Variants in CD84 observed in about 807,000 individuals in gnomAD.
CD84 encodes CD84 molecule, also known as SLAM family member 5.
CD84 carries 22 observed loss-of-function variants against 33.8 expected under a neutral mutation model. The observed-to-expected ratio is 0.65, with a 90% CI of 0.46 to 0.93. CD84 has a LOEUF of 0.93. CD84 is among the 40% of genes least tolerant of loss of function. The pLI, the probability that CD84 is intolerant of heterozygous loss-of-function variation, is 0.00. For synonymous variants in CD84, 154 were observed against 145.2 expected (o/e 1.06, Z -0.44); for missense variants, 400 against 397.6 (o/e 1.01, Z -0.05).
intron 5 of CD84, chr1:160,550,579 C>T (rs944742026): frequency 3.0e-5 from 29 of 975,938 alleles, no homozygotes; most frequent in Non-Finnish European, 3.4e-5. Context: ...GCAACCTGTT[C>T]ACCACGTTGG....
Position 160,547,906 on chromosome 1 carries a change from T to C in CD84, c.*350A>G, listed in dbSNP as rs1351805741. 7 of 305,448 alleles carry C rather than the reference T, an allele frequency of 2.3e-5. No homozygotes were observed. Among genetic ancestry groups the C allele is most frequent in the Admixed American group, 4.4e-5 (1 of 22,646 alleles). 18.9% of individuals were successfully genotyped at this position (305,448 alleles called of 1,614,324 possible). ...GTTACCTCCAGTCACAAGAGGCCTCTAGTCATATGCAGCTTCCAGAAGTGA... is the reference window on the plus strand; with the variant it reads ...GTTACCTCCAGTCACAAGAGGCCTCCAGTCATATGCAGCTTCCAGAAGTGA... On this transcript the variant is annotated 3_prime_UTR_variant, in exon 7 of 7. Transcript: ENST00000368054.
intron 1 of CD84, among the ~76,000 whole-genome samples, chr1:160,573,055 G>A (rs186843017): frequency 6.6e-6 from 1 of 152,230 alleles, no homozygotes; most frequent in Non-Finnish European, 1.5e-5. Context: ...GGATATGGAT[G>A]GATTTTACAA....
chr1:160,542,026 G>A lies in CD84; in HGVS notation c.*6230C>T. 1 of 152,236 alleles carries A rather than the reference G, an allele frequency of 6.6e-6. No homozygotes were observed. Among genetic ancestry groups the A allele is most frequent in the East Asian group, 1.9e-4 (1 of 5,200 alleles). 9.4% of individuals were successfully genotyped at this position (152,236 alleles called of 1,614,324 possible). ...ATGTAGAGGGGATCTGGGGTGACAG[G>A]GAGAATGAAGGAGCCAAGGATGAAA... On this transcript the variant is annotated 3_prime_UTR_variant, in exon 7 of 7. Transcript: ENST00000368054.
rs200975824 is a variant in CD84 at position 160,554,071 on chromosome 1, C to T, written c.464G>A (p.Cys155Tyr). ...VNSTCNVTLT[C>Y]SVEKEEKNVT... ...ATTCTTTTCTTCTTTCTCTACAGAG[C>T]ATGTCAGTGTGACATTACAGGTGCT... is the stretch of plus-strand genomic sequence containing the variant. Residue 155 changes from cysteine (C) to tyrosine (Y), a missense_variant, in exon 3 of 7, where the codon TGC becomes TAC. Physicochemically the swap from Cys to Tyr is radical, Grantham distance 194. Coordinates refer to ENST00000368054, the MANE Select transcript of CD84 (RefSeq NM_003874.4). The T allele has an allele frequency of 5.0e-6, 8 of 1,614,166 alleles. No individual in the cohort carries two copies. The highest frequency in any genetic ancestry group is 5.9e-6 in the Non-Finnish European group (7 of 1,180,028).
intron 1 of CD84, among the ~76,000 whole-genome samples, chr1:160,575,265 A>T (rs1336062218): frequency 6.6e-6 from 1 of 152,142 alleles, no homozygotes; most frequent in East Asian, 1.9e-4. Context: ...AAGAGAGTCC[A>T]TTATAACTGC....
rs1479739363 is a variant in CD84 at position 160,550,747 on chromosome 1, A to G, written c.858+191T>C. On this transcript the variant is annotated intron_variant, in intron 5 of 6. Coordinates refer to ENST00000368054, the MANE Select transcript of CD84 (RefSeq NM_003874.4). ...CCATGGAGGCTGCCATGGGGTGACA[A>G]TGGGTCACGTTCCTGTCCTCATAGA... The G allele has an allele frequency of 7.1e-6, 7 of 985,154 alleles. No homozygotes were observed. The African/African-American group carries it at 1.0e-4, about 15-fold the overall frequency. 61.0% of individuals were successfully genotyped at this position (985,154 alleles called of 1,614,324 possible).
intron 4 of CD84, among the ~76,000 whole-genome samples, chr1:160,551,717 G>A (rs891492899): frequency 6.6e-6 from 1 of 152,050 alleles, no homozygotes; most frequent in African/African-American, 2.4e-5. Context: ...CAAATTTTTT[G>A]TATTTTTGGT....
chr1:160,558,625 G>T (rs943376036), intron 2 of CD84, among the ~76,000 whole-genome samples: 1 of 152,198 alleles, frequency 6.6e-6, no homozygotes, highest in Non-Finnish European at 1.5e-5. Flanking sequence ...CAAAGAACTG[G>T]GCTGAGGCTG....
At chr1:160,567,848 G>C (rs377445899) in intron 1 of CD84, among the ~76,000 whole-genome samples, 1 of 152,096 alleles carries the variant, frequency 6.6e-6, no homozygotes, top group Non-Finnish European at 1.5e-5. Context: ...GTGTCCCAGC[G>C]TGAATCCCTG....
chr1:160,570,873 C>CAATA (rs1038235970), intron 1 of CD84: 1 of 152,072 alleles, frequency 6.6e-6, no homozygotes, highest in Non-Finnish European at 1.5e-5. Context: ...AGAAGAAAAC[C>CAATA]AATAAATAAA....
Position 160,548,169 on chromosome 1 carries a change from G to T in CD84, c.*87C>A. The T allele has an allele frequency of 7.2e-7, 1 of 1,386,972 alleles. No individual in the cohort carries two copies. Among genetic ancestry groups the T allele is most frequent in the Non-Finnish European group, 1.0e-6 (1 of 978,278 alleles). 85.9% of individuals were successfully genotyped at this position (1,386,972 alleles called of 1,614,324 possible). On this transcript the variant is annotated 3_prime_UTR_variant, in exon 7 of 7. Transcript: ENST00000368054. ...GGCAGTTTGCAATCTCCCAGTAAGA[G>T]TTGGGCAGAGAAGATCTGGATCCAG...
rs1655571352 is a variant in CD84, at chr1:160,542,089, A to G, written c.*6167T>C. 1 of 152,244 alleles carries G rather than the reference A, an allele frequency of 6.6e-6. No individual in the cohort carries two copies. Among genetic ancestry groups the G allele is most frequent in the African/African-American group, 2.4e-5 (1 of 41,456 alleles). The allele number at this position is 152,244 out of a possible 1,614,324, so 9.4% of individuals were successfully genotyped here. ...TTGGGTAGCTGCTGATTGGTGAAGCAGTGAAGAATAGCAGTTCTGCACCCA... is the reference window on the plus strand; with the variant it reads ...TTGGGTAGCTGCTGATTGGTGAAGCGGTGAAGAATAGCAGTTCTGCACCCA... On this transcript the variant is annotated 3_prime_UTR_variant, in exon 7 of 7. Transcript: ENST00000368054.
At chr1:160,569,082 T>C (rs1041419964) in intron 1 of CD84, among the ~76,000 whole-genome samples, 7 of 152,266 alleles carry the variant, frequency 4.6e-5, no homozygotes, top group Admixed American at 1.3e-4. Flanking sequence ...ATTCATCGTA[T>C]GTTCTTTATC....
Position 160,553,231 on chromosome 1 carries a change from A to G in CD84, c.760+147T>C, listed in dbSNP as rs1183375805. On this transcript the variant is annotated intron_variant, in intron 4 of 6. Transcript: ENST00000368054. ...GTAATGTCATACCATCCTCAGAGCC[A>G]TCATTCTGGGAGGTGGTGGGGTGGA... The G allele has an allele frequency of 8.6e-6, 11 of 1,280,000 alleles. No homozygotes were observed. In the African/African-American group the frequency reaches 1.5e-4, roughly 17 times the overall value. 79.3% of individuals were successfully genotyped at this position (1,280,000 alleles called of 1,614,324 possible).
rs79892706 is a variant in CD84 at position 160,576,713 on chromosome 1, G to C, written c.46+2679C>G. On this transcript the variant is annotated intron_variant, in intron 1 of 6. Transcript: ENST00000368054. The stretch of plus-strand genomic sequence containing the variant: ...TACTTCTTTCACTTTTTGGTTAAGT[G>C]GCCTTTGACTCTCTGTGTATCAATG... Among the ~76,000 whole-genome samples the C allele has an allele frequency of 4.9e-3, 743 of 152,228 alleles. 2 individuals carry two copies. Among genetic ancestry groups the C allele is most frequent in the African/African-American group, 0.017 (706 of 41,520 alleles).
intron 2 of CD84, among the ~76,000 whole-genome samples, chr1:160,564,406 CT>C (rs1477824179): frequency 1.3e-5 from 2 of 152,158 alleles, no homozygotes; most frequent in African/African-American, 4.8e-5. Context: ...AAATTACATT[CT>C]TGAGCATTTA....
At chr1:160,578,724 C>T (rs560879112) in intron 1 of CD84, among the ~76,000 whole-genome samples, 1 of 152,268 alleles carries the variant, frequency 6.6e-6, no homozygotes, top group South Asian at 2.1e-4. Context: ...AATCAATATT[C>T]ATGTCGTTCT....
In CD84 at chr1:160,543,047, G is replaced by A. The variant is rs1655623528; in HGVS notation, c.*5209C>T. On this transcript the variant is annotated 3_prime_UTR_variant, in exon 7 of 7. Transcript: ENST00000368054. ...TTATTTTATATTAACTCATCAGAAT[G>A]TTTATGACCTGAAACCCCTGCCTGT... 1 of 152,082 alleles carries A rather than the reference G, an allele frequency of 6.6e-6. No homozygotes were observed. The highest frequency in any genetic ancestry group is 2.4e-5 in the African/African-American group (1 of 41,374). The allele number at this position is 152,082 out of a possible 1,614,324, so 9.4% of individuals were successfully genotyped here.
At chr1:160,579,133 C>T (rs998711125) in intron 1 of CD84, among the ~76,000 whole-genome samples, 4 of 152,070 alleles carry the variant, frequency 2.6e-5, no homozygotes, top group African/African-American at 9.7e-5. Context: ...GAAGGATTTG[C>T]CTCAGACCTT....
Sources: gnomAD v4.1 joint callset for allele counts (sites outside exome capture counted in the v4.1 genomes callset) on GRCh38, gnomAD v4.1.1 for gene constraint, MANE v1.5 for transcripts, NCBI Gene and HGNC (gene_info 2026-07-23, HGNC 2026-07-21) for gene names.